The following CAMKK2 variants were observed in gnomAD, a reference collection of about 807,000 sequenced individuals.
CAMKK2 encodes calcium/calmodulin dependent protein kinase kinase 2.
Under a neutral mutation model 67.2 loss-of-function variants are expected in CAMKK2, and 30 were observed. The ratio of observed to expected loss-of-function variants is 0.45; its 90% CI spans 0.33 to 0.61. CAMKK2 has a LOEUF of 0.61. Ranked by LOEUF, CAMKK2 falls within the 20% of genes least tolerant of loss-of-function variation. The pLI is 0.02. For missense variants in CAMKK2, 643 were observed against 802.0 expected, an observed-to-expected ratio of 0.80 and a Z score of 2.39; for synonymous variants, 322 against 326.2, an observed-to-expected ratio of 0.99 and a Z score of 0.14.
chr12:121,282,071 G>A (rs564587915), intron 1 of CAMKK2, among the ~76,000 whole-genome samples: 22 of 152,274 alleles, frequency 1.4e-4, no homozygotes, highest in African/African-American at 5.1e-4. Context: ...GGTGAAAGAA[G>A]GCCCCTCTTG....
At chr12:121,297,732 A>G (rs1017681025), upstream of CAMKK2, 1 of 513,514 alleles carries the variant, frequency 1.9e-6, no homozygotes, top group South Asian at 1.4e-5. Flanking sequence ...CCAAGTTAAT[A>G]AAAGGTTCAA....
intron 1 of CAMKK2, among the ~76,000 whole-genome samples, chr12:121,275,789 AG>A (rs1448550469): frequency 6.6e-6 from 1 of 152,196 alleles, no homozygotes; most frequent in Non-Finnish European, 1.5e-5. Flanking sequence ...ATGGTTGCAC[AG>A]CATTGTGAAC....
chr12:121,264,823 TAGTC>T (rs1894202915), intron 5 of CAMKK2, among the ~76,000 whole-genome samples: 1 of 142,504 alleles, frequency 7.0e-6, no homozygotes, highest in Non-Finnish European at 1.5e-5. Flanking sequence ...CACAAAAAAT[TAGTC>T]AGGTATGGTG....
intron 3 of CAMKK2, 193 bp from the exon 4 acceptor site, chr12:121,269,774 C>T (rs1032965842): frequency 1.2e-5 from 7 of 570,098 alleles, no homozygotes; most frequent in African/African-American, 5.6e-5. Flanking sequence ...CTGGGCGGAG[C>T]GCAGTGGCTC....
chr12:121,273,716 C>A (rs1338356877), intron 2 of CAMKK2, among the ~76,000 whole-genome samples: 1 of 152,090 alleles, frequency 6.6e-6, no homozygotes, highest in East Asian at 1.9e-4. Context: ...TATAAATACC[C>A]CAGCTCCCTT....
rs545283457 is a variant in CAMKK2 at position 121,272,884 on chromosome 12, C to A, written c.471+1172G>T. Among the ~76,000 whole-genome samples the A allele has an allele frequency of 3.8e-3, 582 of 151,398 alleles. 5 individuals carry two copies. The highest frequency in any genetic ancestry group is 0.017 in the Middle Eastern group (5 of 294). The stretch of plus-strand genomic sequence containing the variant: ...CAACCCTCTGTCTCAACAACAACAA[C>A]AAAAAAAAGCCCCTTTAGAAAGGCA... On this transcript the variant is annotated intron_variant, in intron 2 of 16. Coordinates refer to ENST00000404169, the MANE Select transcript of CAMKK2 (RefSeq NM_001270485.2).
rs750177960 is a variant in CAMKK2 at position 121,260,366 on chromosome 12, C to T, written c.760-11G>A. ...GGGGTCATCCAGGACCTTGGCACAGCCACATGGAATAGGCAGGAGACGGAT... is the reference window on the plus strand; with the variant it reads ...GGGGTCATCCAGGACCTTGGCACAGTCACATGGAATAGGCAGGAGACGGAT... On this transcript the variant is annotated splice_polypyrimidine_tract_variant and intron_variant, in intron 6 of 16. Transcript: ENST00000404169. 6.2e-7 allele frequency: 1 copy of T among 1,610,806 alleles called. No individual in the cohort carries two copies. Among genetic ancestry groups the T allele is most frequent in the South Asian group, 1.1e-5 (1 of 90,084 alleles).
At chr12:121,289,231 T>A (rs1035742073) in intron 1 of CAMKK2, among the ~76,000 whole-genome samples, 2 of 151,920 alleles carry the variant, frequency 1.3e-5, no homozygotes, top group Non-Finnish European at 1.5e-5. Context: ...CTTTTCTCTA[T>A]GCTTAAAATG....
chr12:121,253,542 A>G lies in CAMKK2; in HGVS notation c.908-70T>C. ...CTCGTGAGCACCTCTATGCGGCCACATGGCCTGGAGACACAGGCATGGCAC... is the reference window on the plus strand; with the variant it reads ...CTCGTGAGCACCTCTATGCGGCCACGTGGCCTGGAGACACAGGCATGGCAC... On this transcript the variant is annotated intron_variant, in intron 9 of 16. Coordinates refer to ENST00000404169, the MANE Select transcript of CAMKK2 (RefSeq NM_001270485.2). This position sits in a 1 kb window ranked among gnomAD's most constrained non-coding sequence, Gnocchi z 5.0. 1 of 1,338,116 alleles carries G rather than the reference A, an allele frequency of 7.5e-7. No homozygotes were observed. Among genetic ancestry groups the G allele is most frequent in the Non-Finnish European group, 1.1e-6 (1 of 932,078 alleles). The allele number at this position is 1,338,116 out of a possible 1,614,324, so 82.9% of individuals were successfully genotyped here. A position where few individuals can be genotyped will look rare whatever the true frequency, so the allele number is the denominator to read the frequency against.
chr12:121,270,894 T>A lies in CAMKK2; in HGVS notation c.519+4A>T. ...AAAGCCAGCCTAGCCCCAGGGATAT[T>A]TACCTTTCCAATTTCATCCTTCAGG... On this transcript the variant is annotated splice_donor_region_variant and intron_variant, in intron 3 of 16. Transcript: ENST00000404169. 6.2e-7 allele frequency: 1 copy of A among 1,612,400 alleles called. No individual in the cohort carries two copies. The highest frequency in any genetic ancestry group is 1.1e-5 in the South Asian group (1 of 91,040).
chr12:121,272,849 G>A (rs1679015678), intron 2 of CAMKK2, among the ~76,000 whole-genome samples: 1 of 152,026 alleles, frequency 6.6e-6, no homozygotes, highest in Admixed American at 6.6e-5. Context: ...CTCCAGCCTG[G>A]GCAACACAGC....
chr12:121,291,124 A>T (rs1452460407), intron 1 of CAMKK2, among the ~76,000 whole-genome samples: 2 of 152,178 alleles, frequency 1.3e-5, no homozygotes, highest in African/African-American at 4.8e-5. Flanking sequence ...CTGGCCAGCA[A>T]TGGGTTTAAA....
chr12:121,293,058 C>T (rs1293455575), intron 1 of CAMKK2, among the ~76,000 whole-genome samples: 3 of 151,542 alleles, frequency 2.0e-5, no homozygotes, highest in African/African-American at 7.3e-5. Flanking sequence ...GGCGGATCAT[C>T]TGAGGTCAGG....
At chr12:121,244,786 G>C (rs904514917) in intron 15 of CAMKK2, among the ~76,000 whole-genome samples, 171 bp from the exon 16 acceptor site, 1 of 152,218 alleles carries the variant, frequency 6.6e-6, no homozygotes, top group African/African-American at 2.4e-5. Flanking sequence ...TGGACACACA[G>C]GGTCCTGAGT....
chr12:121,248,838 C>G, intron 13 of CAMKK2, 104 bp from the exon 14 acceptor site: 1 of 1,404,300 alleles, frequency 7.1e-7, no homozygotes, highest in African/African-American at 1.4e-5. Flanking sequence ...GAGGCAAGGG[C>G]CTGTGGTCAG....
intron 14 of CAMKK2, among the ~76,000 whole-genome samples, chr12:121,248,118 G>T (rs927030840): frequency 3.3e-4 from 50 of 152,184 alleles, no homozygotes; most frequent in East Asian, 1.9e-4. Flanking sequence ...CATAAAAGGG[G>T]ACCTACTTGC....
chr12:121,270,853 C>A (rs1351703933), intron 3 of CAMKK2, 45 bp downstream of exon 3: 3 of 1,507,898 alleles, frequency 2.0e-6, no homozygotes, highest in African/African-American at 1.4e-5. Context: ...TATCTGAACG[C>A]CCCTGGTGAA....
At chr12:121,280,384 C>T (rs1196644628) in intron 1 of CAMKK2, among the ~76,000 whole-genome samples, 1 of 152,182 alleles carries the variant, frequency 6.6e-6, no homozygotes, top group Non-Finnish European at 1.5e-5. Context: ...TGTATATCGT[C>T]TCAGGACCCT....
At chr12:121,296,937 C>G (rs1038536784), upstream of CAMKK2, among the ~76,000 whole-genome samples, 3 of 151,710 alleles carry the variant, frequency 2.0e-5, no homozygotes, top group Admixed American at 2.0e-4. This position sits in a 1 kb window ranked among gnomAD's most constrained non-coding sequence, Gnocchi z 7.1. Flanking sequence ...AGGCGGGAGC[C>G]TGCAAAGACG....
Sources: gnomAD v4.1 joint callset for allele counts (sites outside exome capture counted in the v4.1 genomes callset) on GRCh38, gnomAD v4.1.1 for gene constraint, Gnocchi (gnomAD v3.1) non-coding constraint, MANE v1.5 for transcripts, NCBI Gene and HGNC (gene_info 2026-07-23, HGNC 2026-07-21) for gene names.